NELL1: variants seen among roughly 807,000 people sequenced by gnomAD.
The protein encoded by NELL1 is neural EGFL like 1, also known as protein kinase C-binding protein NELL1.
A neutral mutation model predicts 107.4 loss-of-function variants in NELL1; 76 were observed. That is an observed-to-expected ratio of 0.71 (90% CI 0.59 to 0.86). The LOEUF is 0.86. Ranked by LOEUF, NELL1 falls within the 40% of genes least tolerant of loss-of-function variation. The probability of loss-of-function intolerance (pLI) is 0.00; values close to 1 mark genes in which losing one functional copy is unlikely to be tolerated. For synonymous variants in NELL1, 353 were observed against 341.2 expected, an observed-to-expected ratio of 1.03 and a Z score of -0.38; for missense variants, 1,024 against 1,005.5, an observed-to-expected ratio of 1.02 and a Z score of -0.25.
chr11:21,118,541 A>G (rs1855288958), intron 13 of NELL1, among the ~76,000 whole-genome samples: 1 of 152,074 alleles, frequency 6.6e-6, no homozygotes, highest in Admixed American at 6.6e-5. Flanking sequence ...TGCCTGTGTA[A>G]TAAATGAGGT....
At position 21,113,714 on chromosome 11, in the gene NELL1, G is replaced by T; in HGVS notation, c.1426G>T (p.Glu476Ter). 1 of 1,610,126 alleles carries T rather than the reference G, an allele frequency of 6.2e-7. No individual in the cohort carries two copies. Among genetic ancestry groups the T allele is most frequent in the Non-Finnish European group, 8.5e-7 (1 of 1,177,942 alleles). The change falls in exon 13 of 20, where the codon GAA (glutamate) becomes TAA (stop). Residue 476 changes from glutamate to a stop codon, truncating the protein, a stop_gained and splice_region_variant. Transcript: ENST00000357134. LOFTEE classifies it high-confidence loss of function. ...YIRVDDFSCT[E>*]HDECGSGQHN... ...TCGTGTGGATGACTTCTCTTGTACA[G>T]GTGAGCTTTAAGAAGCAGTGTTGTT... is the stretch of plus-strand genomic sequence containing the variant.
chr11:21,234,314 G>T (rs889316970), intron 14 of NELL1, among the ~76,000 whole-genome samples: 7 of 152,174 alleles, frequency 4.6e-5, no homozygotes, highest in African/African-American at 1.7e-4. Flanking sequence ...GAGTTTTGTA[G>T]TTGCTATTTA....
At chr11:20,989,375 G>T (rs977547040) in intron 12 of NELL1, among the ~76,000 whole-genome samples, 5 of 152,168 alleles carry the variant, frequency 3.3e-5, no homozygotes, top group Admixed American at 3.3e-4. Flanking sequence ...ACGCAGAAAG[G>T]TTATGAATAC....
intron 12 of NELL1, among the ~76,000 whole-genome samples, chr11:21,063,749 A>G (rs559230539): frequency 1.3e-5 from 2 of 152,356 alleles, no homozygotes; most frequent in East Asian, 1.9e-4. Flanking sequence ...GCATTTTTCT[A>G]GACACTTCAG....
intron 14 of NELL1, among the ~76,000 whole-genome samples, chr11:21,258,096 T>G (rs1232131486): frequency 1.3e-5 from 2 of 152,022 alleles, no homozygotes; most frequent in Non-Finnish European, 2.9e-5. Flanking sequence ...TTGAAGCAAG[T>G]TTAAGGTTTG....
At chr11:20,904,859 C>A (rs1174938783) in intron 5 of NELL1, among the ~76,000 whole-genome samples, 1 of 151,648 alleles carries the variant, frequency 6.6e-6, no homozygotes, top group African/African-American at 2.4e-5. Context: ...GACAGGGTCT[C>A]ATTCTGTTGC....
intron 2 of NELL1, among the ~76,000 whole-genome samples, chr11:20,704,449 T>C (rs11522588): frequency 0.09 from 13,748 of 152,250 alleles, 829 homozygotes; most frequent in Non-Finnish European, 0.13. Context: ...GGGTCTTGAC[T>C]CTTTATCCAA....
chr11:20,855,868 T>A (rs959837739), intron 4 of NELL1, among the ~76,000 whole-genome samples: 4 of 152,292 alleles, frequency 2.6e-5, no homozygotes, highest in East Asian at 3.9e-4. Context: ...GACTTTTTAA[T>A]TGAAAAAACA....
At chr11:21,182,387 A>C (rs1856846820) in intron 13 of NELL1, among the ~76,000 whole-genome samples, 1 of 151,016 alleles carries the variant, frequency 6.6e-6, no homozygotes, top group Non-Finnish European at 1.5e-5. Context: ...GTGAACCGAG[A>C]TCACGCCACT....
chr11:21,444,345 G>T (rs1853364792), intron 15 of NELL1, among the ~76,000 whole-genome samples: 1 of 151,906 alleles, frequency 6.6e-6, no homozygotes, highest in African/African-American at 2.4e-5. Context: ...ACTATTCTCA[G>T]GTACAATTTC....
intron 2 of NELL1, among the ~76,000 whole-genome samples, chr11:20,766,162 T>G (rs1447507578): frequency 6.6e-6 from 1 of 152,214 alleles, no homozygotes; most frequent in Non-Finnish European, 1.5e-5. Context: ...TCAGGATTGA[T>G]GTCGAGAATG....
chr11:21,309,262 A>ATATATATATATATATATG (rs1214125698), intron 14 of NELL1, among the ~76,000 whole-genome samples: 1 of 24,982 alleles, frequency 4.0e-5, no homozygotes, highest in Admixed American at 5.3e-4. Flanking sequence ...ATATATATGT[A>ATATATATATATATATATG]TATATATATA....
rs1853610120 is a variant in NELL1 at position 21,056,149 on chromosome 11, A to G, written c.1301-57440A>G. ...AGTAATTTGCCCAGATCACAGAGACAGTAGGGATAGAGTCAGACTGAATGA... is the reference window on the plus strand; with the variant it reads ...AGTAATTTGCCCAGATCACAGAGACGGTAGGGATAGAGTCAGACTGAATGA... On this transcript the variant is annotated intron_variant, in intron 12 of 19. Transcript: ENST00000357134. 3.3e-5 allele frequency among the ~76,000 whole-genome samples: 5 copies of G among 152,316 alleles called. No individual in the cohort carries two copies. The South Asian group carries it at 1.0e-3, about 32-fold the overall frequency.
chr11:21,468,576 T>C (rs143107432), intron 15 of NELL1, among the ~76,000 whole-genome samples: 252 of 152,172 alleles, frequency 1.7e-3, no homozygotes, highest in African/African-American at 5.7e-3. Flanking sequence ...CAGTGGCAAA[T>C]TTTTGTTTGT....
At chr11:21,426,164 T>G (rs896642589) in intron 15 of NELL1, among the ~76,000 whole-genome samples, 5 of 152,178 alleles carry the variant, frequency 3.3e-5, no homozygotes, top group African/African-American at 1.2e-4. Flanking sequence ...CTCTATAAGT[T>G]TTTCACTGGA....
chr11:20,729,099 T>C (rs1855571289), intron 2 of NELL1, among the ~76,000 whole-genome samples: 1 of 150,594 alleles, frequency 6.6e-6, no homozygotes, highest in Non-Finnish European at 1.5e-5. Context: ...GAATTGGCTC[T>C]CAGCTTGAAC....
intron 3 of NELL1, among the ~76,000 whole-genome samples, chr11:20,808,883 T>A (rs1445072092): frequency 1.3e-5 from 2 of 152,164 alleles, no homozygotes; most frequent in Non-Finnish European, 2.9e-5. Flanking sequence ...AGGGATGGGG[T>A]CAGCAATTCA....
At chr11:21,486,523 T>C (rs770629930) in intron 15 of NELL1, among the ~76,000 whole-genome samples, 9 of 152,104 alleles carry the variant, frequency 5.9e-5, no homozygotes, top group Non-Finnish European at 8.8e-5. Flanking sequence ...GTGACTGTTA[T>C]ACAAGCTATG....
In NELL1 at chr11:21,387,647, A is replaced by G. The variant is rs1851777000; in HGVS notation, c.1645+16699A>G. On this transcript the variant is annotated intron_variant, in intron 15 of 19. Transcript: ENST00000357134. ...CTTCCTTTACCACTCTTCTCACAAA[A>G]GCAAGGCTGAATACAACAAAAGTTT... is the stretch of plus-strand genomic sequence containing the variant. Among the ~76,000 whole-genome samples, 5 of 151,842 alleles carry G rather than the reference A, an allele frequency of 3.3e-5. 1 individual carries two copies. In the South Asian group the frequency reaches 1.0e-3, roughly 31 times the overall value.
Sources: gnomAD v4.1 joint callset for allele counts (sites outside exome capture counted in the v4.1 genomes callset) on GRCh38, gnomAD v4.1.1 for gene constraint, MANE v1.5 for transcripts, NCBI Gene and HGNC (gene_info 2026-07-23, HGNC 2026-07-21) for gene names.